FSHR: variants seen among roughly 807,000 people sequenced by gnomAD.
FSHR encodes follicle stimulating hormone receptor.
Under a neutral mutation model 52.1 loss-of-function variants are expected in FSHR, and 46 were observed. The ratio of observed to expected loss-of-function variants is 0.88; its 90% CI spans 0.70 to 1.13. The LOEUF (loss-of-function observed/expected upper bound fraction) is 1.13. Among genes scored for constraint, FSHR ranks in the 50% most tolerant of loss-of-function variants. The pLI is 0.00. For missense variants in FSHR, 964 were observed against 834.6 expected (o/e 1.16, Z -1.91); for synonymous variants, 399 against 309.6 (o/e 1.29, Z -3.03).
chr2:49,061,776 CTATATATTCATATATAACTATATAGTTA>C (rs1453236336), intron 2 of FSHR, among the ~76,000 whole-genome samples: 1 of 135,146 alleles, frequency 7.4e-6, no homozygotes, highest in Non-Finnish European at 1.6e-5. Flanking sequence ...ATATATAACT[CTATATATTCATATATAACTATATAGTTA>C]TATATAGTCA....
At chr2:49,005,502 A>G (rs1214461094) in intron 4 of FSHR, among the ~76,000 whole-genome samples, 1 of 152,112 alleles carries the variant, frequency 6.6e-6, no homozygotes. Context: ...TCTTCACTAT[A>G]ATGATAGTCC....
chr2:48,966,769 A>G (rs1674494759), intron 9 of FSHR, among the ~76,000 whole-genome samples: 1 of 152,260 alleles, frequency 6.6e-6, no homozygotes, highest in Admixed American at 6.5e-5. Flanking sequence ...TGCTAAAAAT[A>G]AAAAATGAAA....
At chr2:48,967,770 A>G (rs1320479450) in intron 9 of FSHR, among the ~76,000 whole-genome samples, 2 of 152,240 alleles carry the variant, frequency 1.3e-5, no homozygotes, top group African/African-American at 2.4e-5. Flanking sequence ...ATATGTCCAC[A>G]TGGACTGGTC....
intron 1 of FSHR, among the ~76,000 whole-genome samples, chr2:49,070,112 C>T (rs1367596363): frequency 6.6e-6 from 1 of 152,014 alleles, no homozygotes; most frequent in African/African-American, 2.4e-5. Flanking sequence ...GAAGGCAATA[C>T]CAGAAACCTT....
At chr2:49,025,061 A>G (rs1316431172) in intron 2 of FSHR, among the ~76,000 whole-genome samples, 1 of 152,224 alleles carries the variant, frequency 6.6e-6, no homozygotes, top group Non-Finnish European at 1.5e-5. Context: ...GAAAGATTAT[A>G]AAAGATTTTC....
At chr2:49,144,828 T>C (rs1226802083) in intron 1 of FSHR, among the ~76,000 whole-genome samples, 1 of 152,114 alleles carries the variant, frequency 6.6e-6, no homozygotes, top group African/African-American at 2.4e-5. Flanking sequence ...ATCATTCTTT[T>C]GCATTTAATT....
At chr2:49,017,360 C>G (rs934410601) in intron 4 of FSHR, 129 bp downstream of exon 4, 2 of 674,700 alleles carry the variant, frequency 3.0e-6, no homozygotes, top group African/African-American at 1.8e-5. Flanking sequence ...CTCTCCACCT[C>G]CACTTCTGCC....
At chr2:49,020,214 T>G (rs948282963) in intron 2 of FSHR, 54 bp from the exon 3 acceptor site, 2 of 1,387,382 alleles carry the variant, frequency 1.4e-6, no homozygotes, top group Admixed American at 3.3e-5. Context: ...TCCTTGAATA[T>G]TTTTAGGGCT....
chr2:48,982,895 TG>T lies in FSHR; in HGVS notation c.668+16del. 6.2e-7 allele frequency: 1 copy of T among 1,602,794 alleles called. No individual in the cohort carries two copies. The highest frequency in any genetic ancestry group is 8.5e-7 in the Non-Finnish European group (1 of 1,169,738). On this transcript the variant is annotated intron_variant, in intron 8 of 9. Transcript: ENST00000406846. Reference sequence around the variant, plus strand: ...CAAACTGAGCTCTTACACACAGAAATGGGGAAAGCTACTCACAGAATGACTG... The same window carrying T: ...CAAACTGAGCTCTTACACACAGAAATGGGAAAGCTACTCACAGAATGACTG...
chr2:49,020,183 G>T, intron 2 of FSHR, 23 bp from the exon 3 acceptor site: 3 of 1,581,402 alleles, frequency 1.9e-6, no homozygotes, highest in Non-Finnish European at 2.6e-6. Context: ...AAATATATAA[G>T]TCAAGCCAGT....
intron 2 of FSHR, chr2:49,059,536 G>A (rs542973611): frequency 6.6e-6 from 1 of 152,616 alleles, no homozygotes; most frequent in South Asian, 2.1e-4. Context: ...AGAAAGGACG[G>A]TTTCATAAAT....
intron 2 of FSHR, among the ~76,000 whole-genome samples, chr2:49,039,639 T>A (rs999826448): frequency 6.6e-6 from 1 of 152,224 alleles, no homozygotes; most frequent in Non-Finnish European, 1.5e-5. Flanking sequence ...GGTAGCTGAA[T>A]CCTTTCCACT....
At position 48,963,047 on chromosome 2, in the gene FSHR, C is replaced by T; in HGVS notation, c.1774G>A (p.Ala592Thr). 2 of 1,613,934 alleles carry T rather than the reference C, an allele frequency of 1.2e-6. No individual in the cohort carries two copies. Among genetic ancestry groups the T allele is most frequent in the East Asian group, 2.2e-5 (1 of 44,864 alleles). Reference sequence around the variant, plus strand: ...GGCACCTTGAGGGAGGCAGAAATGGCAAAGAAAGAAATGGGTGCCATGCAG... The same window carrying T: ...GGCACCTTGAGGGAGGCAGAAATGGTAAAGAAAGAAATGGGTGCCATGCAG... ...FLCMAPISFFAISASLKVPLI... is the reference protein window; with the variant it reads ...FLCMAPISFFTISASLKVPLI... The change falls in exon 10 of 10, where the codon GCC (alanine) becomes ACC (threonine). Residue 592 changes from alanine to threonine, a missense_variant. Ala to Thr is a moderately conservative substitution (Grantham distance 58). Transcript: ENST00000406846.
At chr2:49,148,688 T>C (rs1388518267) in intron 1 of FSHR, among the ~76,000 whole-genome samples, 1 of 152,030 alleles carries the variant, frequency 6.6e-6, no homozygotes, top group Non-Finnish European at 1.5e-5. Context: ...GAAGACTTCA[T>C]GAAAGAGGCA....
chr2:49,063,133 C>T (rs1669374558), intron 2 of FSHR, among the ~76,000 whole-genome samples: 1 of 152,018 alleles, frequency 6.6e-6, no homozygotes. Context: ...GAGGTGGTAC[C>T]AAGAGCTTTC....
chr2:48,980,344 G>T (rs369106329), intron 8 of FSHR, among the ~76,000 whole-genome samples: 1 of 152,168 alleles, frequency 6.6e-6, no homozygotes, highest in Non-Finnish European at 1.5e-5. Flanking sequence ...TGTTCCTGTG[G>T]TAAGAAGGAC....
chr2:48,988,013 A>C (rs1675597199), intron 6 of FSHR, among the ~76,000 whole-genome samples: 1 of 152,166 alleles, frequency 6.6e-6, no homozygotes, highest in African/African-American at 2.4e-5. Flanking sequence ...TTTCTATGCT[A>C]ATCTGTTTTC....
chr2:49,035,879 A>G lies in FSHR; in HGVS notation c.225-15719T>C, dbSNP rs184822570. Among the ~76,000 whole-genome samples, 9 of 152,354 alleles carry G rather than the reference A, an allele frequency of 5.9e-5. No homozygotes were observed. The East Asian group carries it at 1.3e-3, about 23-fold the overall frequency. On this transcript the variant is annotated intron_variant, in intron 2 of 9. Transcript: ENST00000406846. ...TAGGAGGAGAAATCTTTGAGCAAGT[A>G]GAGCTGTAGATAGGTATTTCTTAGA...
intron 8 of FSHR, among the ~76,000 whole-genome samples, chr2:48,975,310 T>C (rs1044694403): frequency 2.0e-5 from 3 of 151,638 alleles, no homozygotes; most frequent in African/African-American, 7.3e-5. Flanking sequence ...CCCCCTTGGA[T>C]TCTCAGGACT....
Sources: gnomAD v4.1 joint callset for allele counts (sites outside exome capture counted in the v4.1 genomes callset) on GRCh38, gnomAD v4.1.1 for gene constraint, MANE v1.5 for transcripts, NCBI Gene and HGNC (gene_info 2026-07-23, HGNC 2026-07-21) for gene names.